The following GSE1 variants were observed in gnomAD, a reference collection of about 807,000 sequenced individuals.
GSE1 encodes genetic suppressor element 1.
GSE1 carries 32 observed loss-of-function variants against 112.6 expected under a neutral mutation model. That is an observed-to-expected ratio of 0.28 (90% CI 0.21 to 0.38). The LOEUF is 0.38. Ranked by LOEUF, GSE1 falls within the 10% of genes least tolerant of loss-of-function variation. The pLI is 1.00. For synonymous variants in GSE1, 1,115 were observed against 735.6 expected, an observed-to-expected ratio of 1.52 and a Z score of -8.35; for missense variants, 2,348 against 1,699.2, an observed-to-expected ratio of 1.38 and a Z score of -6.71.
At chr16:85,550,192 G>C (rs1205184867) in intron 2 of GSE1, among the ~76,000 whole-genome samples, 8 of 152,114 alleles carry the variant, frequency 5.3e-5, no homozygotes, top group Admixed American at 5.2e-4. Flanking sequence ...GGGCGAGACG[G>C]AATTTGAAGT....
rs748911110 is a variant in GSE1, at chr16:85,661,282, A to G, written c.1777A>G (p.Asn593Asp). The G allele has an allele frequency of 6.2e-7, 1 of 1,612,924 alleles. No individual in the cohort carries two copies. The highest frequency in any genetic ancestry group is 2.2e-5 in the East Asian group (1 of 44,876). The change falls in exon 9 of 16, where the codon AAC becomes GAC. Residue 593 changes from asparagine to aspartate, a missense_variant. Asn to Asp is a conservative substitution (Grantham distance 23, BLOSUM62 1). Transcript: ENST00000253458. ...ALWNPVSLMD[N>D]TLETRRAESH... ...CTGGAACCCCGTGTCCCTGATGGAC[A>G]ACACCTTGGAGACGCGGCGGGCCGA... is the stretch of plus-strand genomic sequence containing the variant.
At chr16:85,495,187 C>T (rs1320713504) in intron 2 of GSE1, among the ~76,000 whole-genome samples, 1 of 152,138 alleles carries the variant, frequency 6.6e-6, no homozygotes, top group East Asian at 1.9e-4. Context: ...GCCTGTTCCC[C>T]GAAAGCCAAG....
At chr16:85,374,298 G>A (rs1489316487) in intron 2 of GSE1, among the ~76,000 whole-genome samples, 1 of 149,420 alleles carries the variant, frequency 6.7e-6, no homozygotes, top group African/African-American at 2.5e-5. Context: ...GCGTGGTTGT[G>A]TGTGGCCCTC....
chr16:85,559,769 C>T (rs762223800), intron 1 of GSE1, among the ~76,000 whole-genome samples: 1 of 152,184 alleles, frequency 6.6e-6, no homozygotes, highest in Non-Finnish European at 1.5e-5. Context: ...CAGTGTAAGG[C>T]AAGGGTCAGC....
intron 2 of GSE1, among the ~76,000 whole-genome samples, chr16:85,550,893 G>A (rs2044885910): frequency 6.6e-6 from 1 of 152,222 alleles, no homozygotes; most frequent in Non-Finnish European, 1.5e-5. Flanking sequence ...AAGCAGCCCA[G>A]CAGCCCCCAG....
chr16:85,649,900 G>A (rs2051190279), intron 3 of GSE1, among the ~76,000 whole-genome samples: 1 of 152,168 alleles, frequency 6.6e-6, no homozygotes, highest in South Asian at 2.1e-4. Flanking sequence ...GTGTGGGAAG[G>A]GAGCCAGCCT....
At chr16:85,346,918 G>C (rs185263305) in intron 1 of GSE1, among the ~76,000 whole-genome samples, 1 of 151,718 alleles carries the variant, frequency 6.6e-6, no homozygotes, top group Non-Finnish European at 1.5e-5. Context: ...AGTGGATGGT[G>C]AACAGGTGGG....
chr16:85,373,825 C>T lies in GSE1; in HGVS notation c.2464+16182C>T, dbSNP rs1567719089. ...GGGCAGGGTGATTGTGCTCCTGCCC[C>T]ACGGTGCCCCACGGTTACCACCGCC... On this transcript the variant is annotated intron_variant, in intron 2 of 2. Coordinates refer to the GSE1 transcript ENST00000637419. This position sits in a 1 kb window ranked among gnomAD's most constrained non-coding sequence, Gnocchi z 5.1. Among the ~76,000 whole-genome samples, 1 of 152,138 alleles carries T rather than the reference C, an allele frequency of 6.6e-6. No individual in the cohort carries two copies. The highest frequency in any genetic ancestry group is 1.5e-5 in the Non-Finnish European group (1 of 68,006).
intron 2 of GSE1, among the ~76,000 whole-genome samples, chr16:85,395,773 C>G (rs2047950468): frequency 6.6e-6 from 1 of 152,208 alleles, no homozygotes; most frequent in African/African-American, 2.4e-5. Flanking sequence ...CGCCTGCCTC[C>G]TCCCGCCGGC....
chr16:85,311,636 GC>G lies in GSE1; in HGVS notation c.2284-45823del, dbSNP rs1327045447. Among the ~76,000 whole-genome samples the G allele has an allele frequency of 3.3e-5, 5 of 152,078 alleles. No homozygotes were observed. Among genetic ancestry groups the G allele is most frequent in the African/African-American group, 1.2e-4 (5 of 41,408 alleles). ...GTGCCCCTGGGGGTCCTTCTCCAGGGCCCCTTGGGCTGTGTACCTGGGCCTG... is the reference window on the plus strand; with the variant it reads ...GTGCCCCTGGGGGTCCTTCTCCAGGGCCCTTGGGCTGTGTACCTGGGCCTG... On this transcript the variant is annotated intron_variant, in intron 1 of 2. Coordinates refer to the GSE1 transcript ENST00000637419. This position sits in a 1 kb window ranked among gnomAD's most constrained non-coding sequence, Gnocchi z 4.2.
At chr16:85,665,661 C>T (rs866455976) in intron 12 of GSE1, among the ~76,000 whole-genome samples, 7 of 152,362 alleles carry the variant, frequency 4.6e-5, no homozygotes, top group Middle Eastern at 6.8e-3. Context: ...TCCCAGTCCT[C>T]GGCCCCTCAC....
At position 85,496,999 on chromosome 16, in the gene GSE1, A is replaced by C. The variant is rs1597958761; in HGVS notation, c.2465-136915A>C. On this transcript the variant is annotated intron_variant, in intron 2 of 2. Transcript: ENST00000637419. ...TTGCAACCTCTGCCTCCCAGGTTCA[A>C]GCGATTCTCCTGCCTCAGCCTCCCG... 2.0e-5 allele frequency among the ~76,000 whole-genome samples: 3 copies of C among 151,782 alleles called. No homozygotes were observed. In the East Asian group the frequency reaches 5.8e-4, roughly 29 times the overall value.
intron 1 of GSE1, among the ~76,000 whole-genome samples, chr16:85,265,038 C>T (rs1052444217): frequency 2.0e-5 from 3 of 152,214 alleles, no homozygotes; most frequent in African/African-American, 4.8e-5. Context: ...CTGTGACACC[C>T]GGAGCAGCGT....
intron 15 of GSE1, among the ~76,000 whole-genome samples, chr16:85,671,642 G>T (rs999179436): frequency 3.3e-5 from 5 of 152,082 alleles, no homozygotes; most frequent in African/African-American, 1.2e-4. Flanking sequence ...GACACCAGTT[G>T]ATTATCTAGG....
intron 2 of GSE1, among the ~76,000 whole-genome samples, chr16:85,640,145 G>A (rs1209243488): frequency 2.0e-5 from 3 of 152,192 alleles, no homozygotes; most frequent in Non-Finnish European, 2.9e-5. Context: ...CACCCATGGT[G>A]CAGGGAGCTG....
At chr16:85,670,026 T>C (rs2053201735) in intron 14 of GSE1, among the ~76,000 whole-genome samples, 1 of 152,262 alleles carries the variant, frequency 6.6e-6, no homozygotes. Context: ...TCCTGTTAGA[T>C]TTTCAGTTGC....
intron 1 of GSE1, among the ~76,000 whole-genome samples, chr16:85,254,211 C>G (rs536538568): frequency 1.3e-5 from 2 of 152,296 alleles, no homozygotes; most frequent in South Asian, 4.1e-4. Flanking sequence ...AAGTGACTAG[C>G]CTGGGGTCAC....
Position 85,186,619 on chromosome 16 carries a change from A to T in GSE1, c.2283+14812A>T, listed in dbSNP as rs564430338. The stretch of plus-strand genomic sequence containing the variant: ...CTCTGTCTCAAGAAAAAAAAAAAAA[A>T]AATTTAGCCGTGTGTGGTGGCGCAT... On this transcript the variant is annotated intron_variant, in intron 1 of 2. Coordinates refer to the GSE1 transcript ENST00000637419. Among the ~76,000 whole-genome samples the T allele has an allele frequency of 9.2e-5, 14 of 151,902 alleles. No homozygotes were observed. The South Asian group carries it at 1.7e-3, about 18-fold the overall frequency.
chr16:85,337,307 CT>C (rs750709031), intron 1 of GSE1, among the ~76,000 whole-genome samples: 114 of 133,514 alleles, frequency 8.5e-4, no homozygotes, highest in Admixed American at 2.3e-3. Flanking sequence ...CTTTTCTTTT[CT>C]TTTTTTTTTT....
Sources: gnomAD v4.1 joint callset for allele counts (sites outside exome capture counted in the v4.1 genomes callset) on GRCh38, gnomAD v4.1.1 for gene constraint, Gnocchi (gnomAD v3.1) non-coding constraint, MANE v1.5 for transcripts, NCBI Gene and HGNC (gene_info 2026-07-23, HGNC 2026-07-21) for gene names.